The following PFKP variants were observed in gnomAD, a reference collection of about 807,000 sequenced individuals.
PFKP encodes ATP-dependent 6-phosphofructokinase, platelet type.
Under a neutral mutation model 94.3 loss-of-function variants are expected in PFKP, and 101 were observed. That is an observed-to-expected ratio of 1.07 (90% CI 0.91 to 1.26). The LOEUF is 1.26. PFKP is among the 50% of genes most tolerant of loss of function. The pLI, the probability that PFKP is intolerant of heterozygous loss-of-function variation, is 0.00. For synonymous variants in PFKP, 573 were observed against 432.6 expected (o/e 1.32, Z -4.03); for missense variants, 1,145 against 1,103.3 (o/e 1.04, Z -0.53).
rs1042635807 is a variant in PFKP at position 3,092,578 on chromosome 10, A to G, written c.187-6697A>G. Among the ~76,000 whole-genome samples the G allele has an allele frequency of 3.3e-5, 5 of 152,250 alleles. No homozygotes were observed. In the East Asian group the frequency reaches 9.7e-4, roughly 29 times the overall value. The stretch of plus-strand genomic sequence containing the variant: ...AAGTTAAAAATACCCAGGGTGACAG[A>G]CACCCCAGTACCCTAATTTGGTCAT... On this transcript the variant is annotated intron_variant, in intron 2 of 21. Transcript: ENST00000381125.
chr10:3,093,952 CTT>C (rs1834282276), intron 2 of PFKP, among the ~76,000 whole-genome samples: 1 of 152,214 alleles, frequency 6.6e-6, no homozygotes, highest in Non-Finnish European at 1.5e-5. Flanking sequence ...GTAGCATTAT[CTT>C]TTATTACATG....
chr10:3,090,769 A>G (rs1440630897), intron 2 of PFKP, among the ~76,000 whole-genome samples: 1 of 152,000 alleles, frequency 6.6e-6, no homozygotes, highest in African/African-American at 2.4e-5. Context: ...ATGGGGGGAA[A>G]ATCACTCTTT....
At chr10:3,097,099 A>C (rs1292729827) in intron 2 of PFKP, among the ~76,000 whole-genome samples, 1 of 118,276 alleles carries the variant, frequency 8.5e-6, no homozygotes, top group Non-Finnish European at 1.9e-5. Flanking sequence ...AAACAAAAAA[A>C]CCTGGGAGTT....
chr10:3,120,369 C>CTTTGTGTGTGTGTGTGTGTG (rs148428194), intron 16 of PFKP, among the ~76,000 whole-genome samples: 28 of 108,584 alleles, frequency 2.6e-4, no homozygotes, highest in African/African-American at 8.5e-4. Context: ...TTAAAAATCG[C>CTTTGTGTGTGTGTGTGTGTG]TGTGTGTGTG....
chr10:3,079,260 AGTCTCGCTCT>A (rs1832833762), intron 1 of PFKP, among the ~76,000 whole-genome samples: 1 of 150,680 alleles, frequency 6.6e-6, no homozygotes, highest in Non-Finnish European at 1.5e-5. Context: ...TCTGAGACAG[AGTCTCGCTCT>A]GTCGCCCAGG....
intron 2 of PFKP, among the ~76,000 whole-genome samples, chr10:3,087,700 T>G (rs1357941482): frequency 6.6e-6 from 1 of 152,188 alleles, no homozygotes. Context: ...AGGAGCAGCC[T>G]GGGGATCAGC....
At chr10:3,088,625 T>C (rs1297190130) in intron 2 of PFKP, among the ~76,000 whole-genome samples, 1 of 152,232 alleles carries the variant, frequency 6.6e-6, no homozygotes, top group Non-Finnish European at 1.5e-5. Flanking sequence ...TAACACTCAC[T>C]GCTTTTTAAA....
chr10:3,114,210 C>T (rs1294147070), intron 13 of PFKP, among the ~76,000 whole-genome samples: 1 of 150,322 alleles, frequency 6.7e-6, no homozygotes, highest in Non-Finnish European at 1.5e-5. Context: ...AGTGCAATGG[C>T]GTGATCTTGG....
intron 16 of PFKP, among the ~76,000 whole-genome samples, chr10:3,123,419 A>G (rs1315405811): frequency 6.6e-6 from 1 of 152,072 alleles, no homozygotes; most frequent in East Asian, 1.9e-4. Flanking sequence ...CCTTTTTTGG[A>G]GACTGAAGGA....
intron 1 of PFKP, among the ~76,000 whole-genome samples, chr10:3,071,387 T>C (rs921217599): frequency 2.6e-5 from 4 of 150,956 alleles, no homozygotes; most frequent in Non-Finnish European, 4.4e-5. Flanking sequence ...GTTTGTTTGT[T>C]TGTTTTTTCT....
At chr10:3,093,842 A>T (rs1414649548) in intron 2 of PFKP, among the ~76,000 whole-genome samples, 2 of 151,958 alleles carry the variant, frequency 1.3e-5, no homozygotes. Context: ...GTGGGGTTTC[A>T]CCGTGTTAGC....
At chr10:3,108,485 T>C (rs561552816) in intron 8 of PFKP, among the ~76,000 whole-genome samples, 1 of 152,374 alleles carries the variant, frequency 6.6e-6, no homozygotes, top group East Asian at 1.9e-4. Context: ...GCCAAGATCT[T>C]GTCTGGTAAC....
chr10:3,072,665 G>A (rs539800202), intron 1 of PFKP, among the ~76,000 whole-genome samples: 6 of 152,050 alleles, frequency 3.9e-5, no homozygotes, highest in Admixed American at 6.5e-5. Flanking sequence ...GTCATCTTTC[G>A]AAAGAAGCAT....
At chr10:3,117,478 GT>G (rs940215137) in intron 14 of PFKP, among the ~76,000 whole-genome samples, 2 of 152,216 alleles carry the variant, frequency 1.3e-5, no homozygotes, top group Non-Finnish European at 2.9e-5. Context: ...AAGGAAGGTA[GT>G]TTTTGGCAAA....
At chr10:3,122,334 C>T (rs1004214434) in intron 16 of PFKP, among the ~76,000 whole-genome samples, 4 of 152,208 alleles carry the variant, frequency 2.6e-5, no homozygotes, top group East Asian at 3.9e-4. Context: ...GTCACCCTGG[C>T]GAATGCTGTG....
chr10:3,104,859 TCCAACGTGCAACTGG>T, intron 5 of PFKP: 2 of 559,438 alleles, frequency 3.6e-6, no homozygotes, highest in Admixed American at 3.3e-5. Flanking sequence ...GCAGAAGGTG[TCCAACGTGCAACTGG>T]AGAGCGCAGA....
chr10:3,099,689 C>G lies in PFKP; in HGVS notation c.264+337C>G, dbSNP rs139090263. Among the ~76,000 whole-genome samples, 273 of 152,334 alleles carry G rather than the reference C, an allele frequency of 1.8e-3. 1 individual carries two copies. Among genetic ancestry groups the G allele is most frequent in the African/African-American group, 6.3e-3 (260 of 41,584 alleles). ...AGAAGAGAGGTGGAGGGAATTTTGA[C>G]AACCACGGAAGTTAGGTGGAGCAAC... On this transcript the variant is annotated intron_variant, in intron 3 of 21. Coordinates refer to ENST00000381125, the MANE Select transcript of PFKP (RefSeq NM_002627.5).
intron 3 of PFKP, chr10:3,100,945 A>C: frequency 6.2e-7 from 1 of 1,602,704 alleles, no homozygotes; most frequent in East Asian, 2.2e-5. Flanking sequence ...GACTGGAGGG[A>C]GAAGCCTGGC....
At chr10:3,093,628 C>G (rs1428228829) in intron 2 of PFKP, among the ~76,000 whole-genome samples, 1 of 139,100 alleles carries the variant, frequency 7.2e-6, no homozygotes, top group Non-Finnish European at 1.5e-5. Flanking sequence ...ACCACAGGAA[C>G]AAGCATTATC....
Sources: gnomAD v4.1 joint callset for allele counts (sites outside exome capture counted in the v4.1 genomes callset) on GRCh38, gnomAD v4.1.1 for gene constraint, MANE v1.5 for transcripts, NCBI Gene and HGNC (gene_info 2026-07-23, HGNC 2026-07-21) for gene names.